The following SMPD3 variants were observed in gnomAD, a reference collection of about 807,000 sequenced individuals.
The protein encoded by SMPD3 is nSMase-2.
In SMPD3, 21 loss-of-function variants were observed where a neutral mutation model predicts 55.7. The observed-to-expected ratio is 0.38, with a 90% CI of 0.27 to 0.54. SMPD3 has a LOEUF of 0.54. Among genes scored for constraint, SMPD3 ranks in the 20% least tolerant of loss-of-function variants. The pLI, the probability that SMPD3 is intolerant of heterozygous loss-of-function variation, is 0.80. For synonymous variants in SMPD3, 457 were observed against 404.3 expected (o/e 1.13, Z -1.56); for missense variants, 842 against 899.6 (o/e 0.94, Z 0.82).
At chr16:68,380,328 G>C (rs1438791971) in intron 2 of SMPD3, among the ~76,000 whole-genome samples, 1 of 152,268 alleles carries the variant, frequency 6.6e-6, no homozygotes, top group Non-Finnish European at 1.5e-5. Flanking sequence ...AGGAGGCCAG[G>C]GGCAAAGTCT....
intron 1 of SMPD3, among the ~76,000 whole-genome samples, chr16:68,395,543 C>A (rs2090148240): frequency 6.6e-6 from 1 of 152,218 alleles, no homozygotes; most frequent in Non-Finnish European, 1.5e-5. Flanking sequence ...CGTCATGTCC[C>A]AGTTCACCTC....
Position 68,361,014 on chromosome 16 carries a change from C to G in SMPD3, c.*192G>C, listed in dbSNP as rs1007468203. 8 of 574,654 alleles carry G rather than the reference C, an allele frequency of 1.4e-5. No individual in the cohort carries two copies. The highest frequency in any genetic ancestry group is 6.6e-5 in the Admixed American group (2 of 30,274). The allele number at this position is 574,654 out of a possible 1,614,324, so 35.6% of individuals were successfully genotyped here. ...GGCAGCTGGAGGCTCCTGGGGCGGGCCTGACTCCTCTGTCCACAGTGAGGC... is the reference window on the plus strand; with the variant it reads ...GGCAGCTGGAGGCTCCTGGGGCGGGGCTGACTCCTCTGTCCACAGTGAGGC... On this transcript the variant is annotated 3_prime_UTR_variant, in exon 9 of 9. Coordinates refer to ENST00000219334, the MANE Select transcript of SMPD3 (RefSeq NM_018667.4).
At chr16:68,417,691 A>C (rs2090350088) in intron 1 of SMPD3, among the ~76,000 whole-genome samples, 1 of 152,182 alleles carries the variant, frequency 6.6e-6, no homozygotes, top group African/African-American at 2.4e-5. Context: ...GCTACTAGAC[A>C]AAGATGCTGG....
chr16:68,430,966 A>T (rs1567809562), intron 1 of SMPD3, among the ~76,000 whole-genome samples: 1 of 152,156 alleles, frequency 6.6e-6, no homozygotes, highest in Non-Finnish European at 1.5e-5. Flanking sequence ...AGGTCATCTG[A>T]CCTGATTTTG....
intron 1 of SMPD3, among the ~76,000 whole-genome samples, chr16:68,395,949 C>T (rs2090152897): frequency 6.6e-6 from 1 of 152,180 alleles, no homozygotes. Flanking sequence ...GGAGCAGAGT[C>T]CTGTCCCAGG....
At position 68,404,640 on chromosome 16, in the gene SMPD3, TA is replaced by T. The variant is rs2090238337; in HGVS notation, c.-268-17982del. On this transcript the variant is annotated intron_variant, in intron 1 of 8. Transcript: ENST00000219334. This position sits in a 1 kb window ranked among gnomAD's most constrained non-coding sequence, Gnocchi z 4.0. ...TGTCAGGGGTTCCCCAGGTAGGAAA[TA>T]GGGGTCACCTGTGCCCCCAGCCCAC... 6.6e-6 allele frequency among the ~76,000 whole-genome samples: 1 copy of T among 152,054 alleles called. No homozygotes were observed. Among genetic ancestry groups the T allele is most frequent in the African/African-American group, 2.4e-5 (1 of 41,394 alleles).
chr16:68,370,976 A>G lies in SMPD3; in HGVS notation c.1206T>C (p.Cys402=), dbSNP rs1321503205. 1.2e-6 allele frequency: 2 copies of G among 1,614,010 alleles called. No individual in the cohort carries two copies. Among genetic ancestry groups the G allele is most frequent in the Non-Finnish European group, 1.7e-6 (2 of 1,180,022 alleles). The part of the protein sequence containing the change: ...YGCQGCCSFK[C]LNSGLLFASR... ...TGGCAAAGAGGAGGCCGCTGTTGAG[A>G]CACTTGAAGCTGCAGCAGCCCTGGC... Residue 402 remains cysteine (C), a synonymous_variant, in exon 3 of 9, where the codon TGT becomes TGC. Transcript: ENST00000219334.
intron 1 of SMPD3, among the ~76,000 whole-genome samples, chr16:68,397,885 C>G (rs1394044430): frequency 6.6e-6 from 1 of 152,232 alleles, no homozygotes; most frequent in East Asian, 1.9e-4. Context: ...GAGGTGGCCT[C>G]TAGAGGGTCT....
At chr16:68,390,304 T>G (rs2090099726) in intron 1 of SMPD3, among the ~76,000 whole-genome samples, 1 of 152,232 alleles carries the variant, frequency 6.6e-6, no homozygotes, top group African/African-American at 2.4e-5. Context: ...CATCCTATTT[T>G]CATCAGCGGA....
At chr16:68,405,806 C>G (rs941478968) in intron 1 of SMPD3, among the ~76,000 whole-genome samples, 1 of 152,148 alleles carries the variant, frequency 6.6e-6, no homozygotes, top group Non-Finnish European at 1.5e-5. Context: ...GTGAAGCCCC[C>G]TCCTCACTGG....
intron 1 of SMPD3, among the ~76,000 whole-genome samples, chr16:68,431,659 C>T (rs1455393592): frequency 4.6e-5 from 7 of 152,222 alleles, no homozygotes; most frequent in East Asian, 1.9e-4. Context: ...TCATGGCTCA[C>T]GCCTGTAATC....
chr16:68,393,004 A>G (rs1209498199), intron 1 of SMPD3, among the ~76,000 whole-genome samples: 1 of 151,912 alleles, frequency 6.6e-6, no homozygotes, highest in Non-Finnish European at 1.5e-5. Context: ...CCTGTAAGAA[A>G]CTAAATTTCG....
At position 68,361,272 on chromosome 16, in the gene SMPD3, G is replaced by A. The variant is rs751802360; in HGVS notation, c.1902C>T (p.Ser634=). 6.0e-5 allele frequency: 96 copies of A among 1,612,022 alleles called. No homozygotes were observed. The highest frequency in any genetic ancestry group is 7.7e-5 in the Non-Finnish European group (91 of 1,179,402). Residue 634 remains serine, a synonymous_variant, in exon 9 of 9, where the codon TCC becomes TCT. Transcript: ENST00000219334. ...VEEFSFITQL[S]GLTDHLPVAM... is the part of the protein sequence containing the mutation. The stretch of plus-strand genomic sequence containing the variant: ...CTACTGGCAGGTGGTCCGTCAGGCC[G>A]GACAGCTGGGTGATAAAACTGAATT...
At chr16:68,407,272 C>T (rs1394095590) in intron 1 of SMPD3, among the ~76,000 whole-genome samples, 4 of 152,208 alleles carry the variant, frequency 2.6e-5, no homozygotes, top group African/African-American at 9.7e-5. Flanking sequence ...CAATTTATAA[C>T]ATTCATGTCT....
chr16:68,384,385 C>T (rs2090011921), intron 2 of SMPD3, among the ~76,000 whole-genome samples: 1 of 152,250 alleles, frequency 6.6e-6, no homozygotes, highest in South Asian at 2.1e-4. Context: ...CAGGCCCTTT[C>T]TCTCTTGATA....
At chr16:68,431,917 G>A (rs1263570668) in intron 1 of SMPD3, among the ~76,000 whole-genome samples, 2 of 151,960 alleles carry the variant, frequency 1.3e-5, no homozygotes, top group Admixed American at 6.6e-5. Context: ...GCAAGACTCT[G>A]TCTGAAAAAA....
At chr16:68,389,983 A>T (rs1214585850) in intron 1 of SMPD3, among the ~76,000 whole-genome samples, 1 of 152,238 alleles carries the variant, frequency 6.6e-6, no homozygotes, top group Admixed American at 6.5e-5. Flanking sequence ...AGCAGCCCAG[A>T]GGGTGCTGGT....
intron 1 of SMPD3, among the ~76,000 whole-genome samples, chr16:68,439,300 C>T (rs1378469889): frequency 6.6e-6 from 1 of 152,174 alleles, no homozygotes; most frequent in Admixed American, 6.5e-5. Context: ...GCCCCCGTTC[C>T]TTGGTTCACT....
intron 2 of SMPD3, among the ~76,000 whole-genome samples, chr16:68,384,258 A>G (rs964060289): frequency 3.9e-5 from 6 of 152,222 alleles, no homozygotes; most frequent in East Asian, 1.9e-4. Flanking sequence ...GTGAAGGAAC[A>G]TGGCCTCAGC....
Sources: allele counts gnomAD v4.1 joint callset (sites outside exome capture counted in the v4.1 genomes callset), GRCh38; gene constraint gnomAD v4.1.1; non-coding constraint Gnocchi (gnomAD v3.1); transcripts MANE v1.5; gene names NCBI Gene and HGNC (gene_info 2026-07-23, HGNC 2026-07-21).